The following RHOU variants were observed in gnomAD, a reference collection of about 807,000 sequenced individuals.
The protein encoded by RHOU is ras homolog family member U, also known as rho-related GTP-binding protein RhoU.
Under a neutral mutation model 12.6 loss-of-function variants are expected in RHOU, and 8 were observed. The ratio of observed to expected loss-of-function variants is 0.64; its 90% CI spans 0.37 to 1.15. The LOEUF (loss-of-function observed/expected upper bound fraction) is 1.15. Ranked by LOEUF, RHOU falls within the 50% of genes most tolerant of loss-of-function variation. The probability of loss-of-function intolerance (pLI) is 0.01; values close to 1 mark genes in which losing one functional copy is unlikely to be tolerated. For synonymous variants in RHOU, 161 were observed against 147.4 expected (o/e 1.09, Z -0.67); for missense variants, 258 against 347.0 (o/e 0.74, Z 2.04).
At chr1:228,668,727 G>C in the RHOU span, among the ~76,000 whole-genome samples, 2 of 152,192 alleles carry the variant, frequency 1.3e-5, no homozygotes, top group Admixed American at 6.5e-5. Flanking sequence ...GTGTCTGGCT[G>C]CTCGCCCAGC....
the RHOU span, among the ~76,000 whole-genome samples, chr1:228,660,767 C>G: frequency 6.6e-6 from 1 of 151,718 alleles, no homozygotes; most frequent in African/African-American, 2.4e-5. Flanking sequence ...AACCCCATCT[C>G]TACTAAAAAT....
At chr1:228,716,348 T>C in the RHOU span, among the ~76,000 whole-genome samples, 1 of 152,200 alleles carries the variant, frequency 6.6e-6, no homozygotes, top group Non-Finnish European at 1.5e-5. Flanking sequence ...ACTCAAGTTG[T>C]CTCTGTCTTA....
the RHOU span, among the ~76,000 whole-genome samples, chr1:228,705,464 C>T: frequency 2.0e-5 from 3 of 152,058 alleles, no homozygotes; most frequent in Admixed American, 2.0e-4. Flanking sequence ...ACATTGAATG[C>T]CTTTGGCTCT....
chr1:228,648,467 GGGATCTTCTCTGGTCTTTTGCCTTGC>G, the RHOU span, among the ~76,000 whole-genome samples: 1 of 152,308 alleles, frequency 6.6e-6, no homozygotes, highest in Non-Finnish European at 1.5e-5. Flanking sequence ...CCACAGTCCT[GGGATCTTCTCTGGTCTTTTGCCTTGC>G]GGCGGGGGGA....
chr1:228,737,961 C>T lies in RHOU; in HGVS notation c.321+230C>T, dbSNP rs932538493. Among the ~76,000 whole-genome samples, 11 of 152,132 alleles carry T rather than the reference C, an allele frequency of 7.2e-5. No homozygotes were observed. Among genetic ancestry groups the T allele is most frequent in the Non-Finnish European group, 1.6e-4 (11 of 68,024 alleles). On this transcript the variant is annotated intron_variant, in intron 2 of 2. Transcript: ENST00000366691. This position sits in a 1 kb window ranked among gnomAD's most constrained non-coding sequence, Gnocchi z 4.1. Reference sequence around the variant, plus strand: ...TAAAGCAGGGTTTGGCCCAGCTCTGCGTAACCAGGCAAGGGAGGAAGCAGT... The same window carrying T: ...TAAAGCAGGGTTTGGCCCAGCTCTGTGTAACCAGGCAAGGGAGGAAGCAGT...
the RHOU span, among the ~76,000 whole-genome samples, chr1:228,649,585 C>T: frequency 1.3e-5 from 2 of 152,188 alleles, no homozygotes; most frequent in East Asian, 1.9e-4. Context: ...AAATAAATGA[C>T]TATTAATTCA....
chr1:228,712,828 T>TAAATAAAATAAAATA, the RHOU span, among the ~76,000 whole-genome samples: 1 of 119,160 alleles, frequency 8.4e-6, no homozygotes, highest in African/African-American at 3.5e-5. Context: ...AATAAATAAA[T>TAAATAAAATAAAATA]AAATAAAATA....
At chr1:228,693,007 C>T in the RHOU span, among the ~76,000 whole-genome samples, 1 of 152,090 alleles carries the variant, frequency 6.6e-6, no homozygotes, top group Admixed American at 6.5e-5. Flanking sequence ...ATGCCCAAAA[C>T]CGTACTGTGA....
At chr1:228,653,206 T>A in the RHOU span, among the ~76,000 whole-genome samples, 1 of 152,102 alleles carries the variant, frequency 6.6e-6, no homozygotes, top group Non-Finnish European at 1.5e-5. Context: ...CTGGAGTGCG[T>A]GGCACGATCG....
At chr1:228,694,179 G>A in the RHOU span, among the ~76,000 whole-genome samples, 2 of 152,168 alleles carry the variant, frequency 1.3e-5, no homozygotes, top group Admixed American at 1.3e-4. Flanking sequence ...TGCACACATT[G>A]TTTTTCAGCA....
the RHOU span, among the ~76,000 whole-genome samples, chr1:228,677,416 C>G: frequency 3.3e-5 from 5 of 152,096 alleles, no homozygotes; most frequent in African/African-American, 7.2e-5. Context: ...TGGGCTCTAT[C>G]CTTGAGTTTT....
the RHOU span, chr1:228,650,666 T>C: frequency 2.1e-6 from 1 of 483,526 alleles, no homozygotes; most frequent in Non-Finnish European, 4.0e-6. Context: ...CTCGTTTCAC[T>C]CGTTTCAAAG....
chr1:228,656,829 C>T, the RHOU span, among the ~76,000 whole-genome samples: 6 of 152,102 alleles, frequency 3.9e-5, no homozygotes, highest in Admixed American at 6.6e-5. Flanking sequence ...TAAGTTCTTC[C>T]TTATCAGTAA....
At chr1:228,710,364 G>T in the RHOU span, among the ~76,000 whole-genome samples, 1 of 151,960 alleles carries the variant, frequency 6.6e-6, no homozygotes, top group Non-Finnish European at 1.5e-5. Context: ...CCAAAAAAGA[G>T]AATTTTAGAC....
chr1:228,667,481 C>T, the RHOU span, among the ~76,000 whole-genome samples: 1 of 152,158 alleles, frequency 6.6e-6, no homozygotes, highest in Non-Finnish European at 1.5e-5. Flanking sequence ...CTTGCATCCA[C>T]GCCAGAAGCA....
At chr1:228,649,213 A>T in the RHOU span, among the ~76,000 whole-genome samples, 1 of 152,198 alleles carries the variant, frequency 6.6e-6, no homozygotes, top group Admixed American at 6.5e-5. Context: ...AAGGTACTAG[A>T]GTACCTGTTT....
the RHOU span, among the ~76,000 whole-genome samples, chr1:228,676,395 T>C: frequency 6.6e-6 from 1 of 152,204 alleles, no homozygotes; most frequent in Non-Finnish European, 1.5e-5. Context: ...CTCATACCTG[T>C]AATCCTAGCA....
the RHOU span, among the ~76,000 whole-genome samples, chr1:228,703,403 G>T: frequency 6.6e-6 from 1 of 151,982 alleles, no homozygotes; most frequent in Non-Finnish European, 1.5e-5. Flanking sequence ...GTGGGCACCT[G>T]TAGTCCCAGC....
At chr1:228,649,508 G>C in the RHOU span, among the ~76,000 whole-genome samples, 3 of 151,922 alleles carry the variant, frequency 2.0e-5, no homozygotes, top group Admixed American at 1.3e-4. Flanking sequence ...AAGGGTTAAG[G>C]GTTTTTAAAA....
Sources: gnomAD v4.1 joint callset for allele counts (sites outside exome capture counted in the v4.1 genomes callset) on GRCh38, gnomAD v4.1.1 for gene constraint, Gnocchi (gnomAD v3.1) non-coding constraint, MANE v1.5 for transcripts, NCBI Gene and HGNC (gene_info 2026-07-23, HGNC 2026-07-21) for gene names.